PDE1A: variants seen among roughly 807,000 people sequenced by gnomAD.
The protein encoded by PDE1A is dual specificity calcium/calmodulin-dependent 3',5'-cyclic nucleotide phosphodiesterase 1A.
PDE1A carries 35 observed loss-of-function variants against 61.7 expected under a neutral mutation model. The observed-to-expected ratio is 0.57, with a 90% CI of 0.43 to 0.75. The LOEUF is 0.75. PDE1A is among the 30% of genes least tolerant of loss of function. PDE1A has a pLI of 0.00. For missense variants in PDE1A, 597 were observed against 630.6 expected (o/e 0.95, Z 0.57); for synonymous variants, 232 against 213.2 (o/e 1.09, Z -0.77).
chr2:182,419,461 G>A (rs1703135960), intron 1 of PDE1A, among the ~76,000 whole-genome samples: 2 of 150,588 alleles, frequency 1.3e-5, no homozygotes. Context: ...TTAGCCTCCC[G>A]AGTAGCTAGG....
At chr2:182,461,630 C>CTGTA (rs1686294136) in intron 2 of PDE1A, among the ~76,000 whole-genome samples, 1 of 152,120 alleles carries the variant, frequency 6.6e-6, no homozygotes, top group Non-Finnish European at 1.5e-5. Flanking sequence ...TAACAGCGTC[C>CTGTA]TGTATGTTGC....
At chr2:182,142,723 T>A (rs931089647), downstream of PDE1A, 4 of 152,196 alleles carry the variant, frequency 2.6e-5, no homozygotes, top group African/African-American at 9.7e-5. Flanking sequence ...TGCACATGTA[T>A]TGCACAGTCA....
chr2:182,624,290 C>T, the PDE1A span, among the ~76,000 whole-genome samples: 1 of 152,162 alleles, frequency 6.6e-6, no homozygotes, highest in Non-Finnish European at 1.5e-5. Flanking sequence ...ATGCTCAAGG[C>T]ACAGGTGGGC....
intron 1 of PDE1A, among the ~76,000 whole-genome samples, chr2:182,277,746 A>G (rs1693532203): frequency 6.6e-6 from 1 of 152,106 alleles, no homozygotes; most frequent in African/African-American, 2.4e-5. Context: ...AGTTTTTCTC[A>G]TTTAACTGAG....
intron 7 of PDE1A, among the ~76,000 whole-genome samples, chr2:182,209,358 A>C (rs190368537): frequency 6.6e-6 from 1 of 152,034 alleles, no homozygotes; most frequent in East Asian, 2.0e-4. Flanking sequence ...CCCATGATTC[A>C]ATTATCTCCC....
chr2:182,240,105 C>T lies in PDE1A; in HGVS notation c.350+5G>A. ...CTGTCTTGAGATACCAACAATTTCA[C>T]TTACCTTTCCACAAAAATTCCAGCT... is the stretch of plus-strand genomic sequence containing the variant. On this transcript the variant is annotated splice_donor_5th_base_variant and intron_variant, in intron 3 of 13. Coordinates refer to ENST00000351439, the Ensembl canonical transcript of PDE1A. 1 of 1,611,560 alleles carries T rather than the reference C, an allele frequency of 6.2e-7. No individual in the cohort carries two copies. The highest frequency in any genetic ancestry group is 8.5e-7 in the Non-Finnish European group (1 of 1,178,988).
chr2:182,280,136 T>TG (rs936701651), intron 1 of PDE1A, among the ~76,000 whole-genome samples: 2 of 150,174 alleles, frequency 1.3e-5, no homozygotes, highest in African/African-American at 4.9e-5. Flanking sequence ...TCCATGCCTT[T>TG]GGGTTTTTTT....
In PDE1A at chr2:182,184,543, T is replaced by C. The variant is rs1685052531; in HGVS notation, c.1516+1349A>G. Among the ~76,000 whole-genome samples the C allele has an allele frequency of 2.0e-5, 3 of 152,188 alleles. No individual in the cohort carries two copies. In the South Asian group the frequency reaches 6.2e-4, roughly 32 times the overall value. On this transcript the variant is annotated intron_variant, in intron 13 of 13. Coordinates refer to ENST00000351439, the Ensembl canonical transcript of PDE1A. Reference sequence around the variant, plus strand: ...CCCAGATAAAGAAAATCTAATTGTTTGTCAGTATAACTGTGTTATAAGAAA... The same window carrying C: ...CCCAGATAAAGAAAATCTAATTGTTCGTCAGTATAACTGTGTTATAAGAAA...
the PDE1A span, among the ~76,000 whole-genome samples, chr2:182,572,329 T>G: frequency 6.6e-6 from 1 of 152,104 alleles, no homozygotes; most frequent in Non-Finnish European, 1.5e-5. Flanking sequence ...AGGAGAACAC[T>G]CTTCTGATAT....
intron 1 of PDE1A, among the ~76,000 whole-genome samples, chr2:182,372,626 G>C (rs572534511): frequency 6.6e-6 from 1 of 152,160 alleles, no homozygotes; most frequent in South Asian, 2.1e-4. Context: ...TCACCCCCTA[G>C]TCTGACCCTG....
chr2:182,565,436 G>A, the PDE1A span, among the ~76,000 whole-genome samples: 4 of 152,214 alleles, frequency 2.6e-5, no homozygotes, highest in South Asian at 6.2e-4. Flanking sequence ...AGGAGTACCC[G>A]GCCATGTGAG....
chr2:182,588,897 G>C, the PDE1A span, among the ~76,000 whole-genome samples: 1 of 151,776 alleles, frequency 6.6e-6, no homozygotes, highest in South Asian at 2.1e-4. Flanking sequence ...ACAAAAATTA[G>C]CCAGGCATGA....
chr2:182,426,740 G>T (rs946345782), exon 1 of PDE1A: 45 of 1,560,918 alleles, frequency 2.9e-5, no homozygotes, highest in Non-Finnish European at 1.7e-6. Flanking sequence ...GAAAGAAAAA[G>T]TAGTTTCCTC....
chr2:182,584,980 C>T, the PDE1A span, among the ~76,000 whole-genome samples: 18 of 152,162 alleles, frequency 1.2e-4, no homozygotes, highest in African/African-American at 2.9e-4. Context: ...TAAACCTGGA[C>T]GTAAAAAAAG....
upstream of PDE1A, among the ~76,000 whole-genome samples, chr2:182,427,734 C>T (rs1442731365): frequency 6.6e-6 from 1 of 152,112 alleles, no homozygotes; most frequent in Non-Finnish European, 1.5e-5. Context: ...AAAGGGAATG[C>T]TCGTATTTTA....
intron 1 of PDE1A, among the ~76,000 whole-genome samples, chr2:182,365,674 A>G (rs906075624): frequency 1.3e-5 from 2 of 151,912 alleles, no homozygotes; most frequent in African/African-American, 4.8e-5. Context: ...GCCTGCAATG[A>G]TAGAATTAAT....
intron 1 of PDE1A, among the ~76,000 whole-genome samples, chr2:182,417,055 T>C (rs1702961885): frequency 6.6e-6 from 1 of 152,204 alleles, no homozygotes; most frequent in Admixed American, 6.5e-5. Context: ...AGACACACAC[T>C]GTATGGCCCT....
intron 1 of PDE1A, among the ~76,000 whole-genome samples, chr2:182,406,235 T>C (rs1250714954): frequency 6.6e-6 from 1 of 152,094 alleles, no homozygotes; most frequent in Non-Finnish European, 1.5e-5. Flanking sequence ...TTACAGATTA[T>C]ATTTAGGGGA....
the PDE1A span, among the ~76,000 whole-genome samples, chr2:182,540,735 T>C: frequency 6.6e-6 from 1 of 152,196 alleles, no homozygotes; most frequent in Non-Finnish European, 1.5e-5. Context: ...AAAACTGGTA[T>C]AAAATTTTCA....
Sources: gnomAD v4.1 joint callset for allele counts (sites outside exome capture counted in the v4.1 genomes callset) on GRCh38, gnomAD v4.1.1 for gene constraint, MANE v1.5 for transcripts, NCBI Gene and HGNC (gene_info 2026-07-23, HGNC 2026-07-21) for gene names.